RABGEF1: variants seen among roughly 807,000 people sequenced by gnomAD.
RABGEF1 encodes the protein RAB guanine nucleotide exchange factor 1.
RABGEF1 carries 26 observed loss-of-function variants against 57.3 expected under a neutral mutation model. That is an observed-to-expected ratio of 0.45 (90% CI 0.33 to 0.63). RABGEF1 has a LOEUF of 0.63. Ranked by LOEUF, RABGEF1 falls within the 20% of genes least tolerant of loss-of-function variation. The probability of loss-of-function intolerance (pLI) is 0.02; values close to 1 mark genes in which losing one functional copy is unlikely to be tolerated. For synonymous variants in RABGEF1, 185 were observed against 210.7 expected (o/e 0.88, Z 1.06); for missense variants, 464 against 607.6 (o/e 0.76, Z 2.48).
At chr7:66,799,035 TG>T (rs1424801355) in intron 6 of RABGEF1, among the ~76,000 whole-genome samples, 1 of 152,254 alleles carries the variant, frequency 6.6e-6, no homozygotes, top group Non-Finnish European at 1.5e-5. Flanking sequence ...AATTCTCAAA[TG>T]GTCACTTTCA....
chr7:66,692,062 AAAACAAAC>A (rs139406196), intron 1 of RABGEF1, among the ~76,000 whole-genome samples: 2 of 151,102 alleles, frequency 1.3e-5, no homozygotes, highest in South Asian at 2.1e-4. Context: ...GTTTTCTTAA[AAAACAAAC>A]AAACAAACAA....
At chr7:66,800,558 G>A (rs1787056037) in intron 7 of RABGEF1, among the ~76,000 whole-genome samples, 2 of 152,114 alleles carry the variant, frequency 1.3e-5, no homozygotes, top group Admixed American at 6.5e-5. Context: ...CTAGGCTATG[G>A]CGTAGGTCAT....
chr7:66,706,414 G>A (rs1020455380), intron 1 of RABGEF1, among the ~76,000 whole-genome samples: 6 of 151,944 alleles, frequency 3.9e-5, no homozygotes, highest in African/African-American at 7.2e-5. Context: ...CAAAGTGGCT[G>A]TACTATTTTG....
At chr7:66,717,266 A>G (rs1795519525) in intron 2 of RABGEF1, among the ~76,000 whole-genome samples, 1 of 152,320 alleles carries the variant, frequency 6.6e-6, no homozygotes, top group South Asian at 2.1e-4. Context: ...CTTAGAATTA[A>G]TATTTTACCA....
chr7:66,659,960 GT>G, the RABGEF1 span, among the ~76,000 whole-genome samples: 1 of 151,354 alleles, frequency 6.6e-6, no homozygotes, highest in African/African-American at 2.4e-5. Flanking sequence ...AAAATTAAAA[GT>G]TTTTTTACAG....
intron 1 of RABGEF1, among the ~76,000 whole-genome samples, chr7:66,768,400 A>G (rs572046382): frequency 6.6e-6 from 1 of 152,334 alleles, no homozygotes; most frequent in Non-Finnish European, 1.5e-5. Context: ...GTTTTCTGAC[A>G]TCTGAGTTTT....
At chr7:66,705,443 AAGAGAGAGAG>A (rs57856916) in intron 1 of RABGEF1, among the ~76,000 whole-genome samples, 30 of 66,368 alleles carry the variant, frequency 4.5e-4, no homozygotes, top group South Asian at 1.2e-3. Context: ...TCTCGAAAGA[AAGAGAGAGAG>A]AGAGAGAGAG....
At chr7:66,741,876 G>C (rs1391005368) in intron 1 of RABGEF1, among the ~76,000 whole-genome samples, 2 of 151,856 alleles carry the variant, frequency 1.3e-5, no homozygotes, top group Admixed American at 6.6e-5. Context: ...GGTGGCTCAC[G>C]TCTGTAATCC....
chr7:66,738,164 G>A (rs2129044040), upstream of RABGEF1, among the ~76,000 whole-genome samples: 1 of 152,116 alleles, frequency 6.6e-6, no homozygotes, highest in African/African-American at 2.4e-5. Flanking sequence ...GGGATTACAG[G>A]TACAGGCCAC....
chr7:66,741,481 GC>G (rs1321074346), intron 1 of RABGEF1, among the ~76,000 whole-genome samples: 1 of 152,178 alleles, frequency 6.6e-6, no homozygotes, highest in Non-Finnish European at 1.5e-5. Context: ...GAGGGACTCT[GC>G]CGCTTTGGAG....
At chr7:66,808,786 G>GC in intron 8 of RABGEF1, 100 bp from the exon 9 acceptor site, 1 of 1,242,462 alleles carries the variant, frequency 8.0e-7, no homozygotes, top group Non-Finnish European at 1.1e-6. Context: ...GTTTACTTTA[G>GC]CTTCTGTTTT....
intron 1 of RABGEF1, among the ~76,000 whole-genome samples, chr7:66,766,234 G>T: frequency 6.6e-6 from 1 of 151,552 alleles, no homozygotes; most frequent in East Asian, 1.9e-4. Flanking sequence ...GCTTGAGCTC[G>T]GGAAGTCAAG....
chr7:66,690,984 C>T (rs1362115281), intron 1 of RABGEF1, among the ~76,000 whole-genome samples: 2 of 151,670 alleles, frequency 1.3e-5, no homozygotes, highest in Non-Finnish European at 2.9e-5. Flanking sequence ...CCAGCTGCTT[C>T]GGAGGCTGGG....
At chr7:66,802,414 C>T (rs1787493595) in intron 7 of RABGEF1, among the ~76,000 whole-genome samples, 1 of 152,174 alleles carries the variant, frequency 6.6e-6, no homozygotes, top group Admixed American at 6.5e-5. Flanking sequence ...ACACCTGGAT[C>T]CAGCAGAGAT....
chr7:66,666,506 C>T, the RABGEF1 span, among the ~76,000 whole-genome samples: 3 of 152,204 alleles, frequency 2.0e-5, no homozygotes, highest in Non-Finnish European at 4.4e-5. Flanking sequence ...CGCACACCCC[C>T]TCTGTGCCAG....
the RABGEF1 span, among the ~76,000 whole-genome samples, chr7:66,676,899 T>C: frequency 6.6e-6 from 1 of 152,218 alleles, no homozygotes. Context: ...ATAGTGTCCC[T>C]TGATGCACAA....
chr7:66,784,366 A>G (rs1051904391), intron 4 of RABGEF1, among the ~76,000 whole-genome samples: 7 of 152,218 alleles, frequency 4.6e-5, no homozygotes, highest in South Asian at 2.1e-4. Context: ...GCCAAAGAGG[A>G]TAAGTGACTT....
the RABGEF1 span, among the ~76,000 whole-genome samples, chr7:66,659,545 C>T: frequency 6.6e-6 from 1 of 151,984 alleles, no homozygotes; most frequent in South Asian, 2.1e-4. Context: ...TTTGGGAGGC[C>T]AAGGCAGGTG....
chr7:66,809,392 A>AT lies in RABGEF1; in HGVS notation c.*114dup, dbSNP rs1304229358. The AT allele has an allele frequency of 1.3e-6, 1 of 775,040 alleles. No homozygotes were observed. The allele number at this position is 775,040 out of a possible 1,614,324, so 48.0% of individuals were successfully genotyped here. A position where few individuals can be genotyped will look rare whatever the true frequency, so the allele number is the denominator to read the frequency against. On this transcript the variant is annotated 3_prime_UTR_variant, in exon 9 of 9. Coordinates refer to ENST00000284957, the MANE Select transcript of RABGEF1 (RefSeq NM_014504.3). ...AACTAAATTGCTTATAAATGTCAGCATTTTTTAAAGGTACAGTATATGGGG... is the reference window on the plus strand; with the variant it reads ...AACTAAATTGCTTATAAATGTCAGCATTTTTTTAAAGGTACAGTATATGGGG...
Sources: allele counts gnomAD v4.1 joint callset (sites outside exome capture counted in the v4.1 genomes callset), GRCh38; gene constraint gnomAD v4.1.1; transcripts MANE v1.5; gene names NCBI Gene and HGNC (gene_info 2026-07-23, HGNC 2026-07-21).